Variants in UBE2K observed in about 807,000 individuals in gnomAD.
UBE2K encodes ubiquitin conjugating enzyme E2 K, also known as ubiquitin-conjugating enzyme E2 K.
UBE2K carries 6 observed loss-of-function variants against 30.0 expected under a neutral mutation model. The ratio of observed to expected loss-of-function variants is 0.20; its 90% CI spans 0.11 to 0.39. UBE2K has a LOEUF of 0.39. Among genes scored for constraint, UBE2K ranks in the 10% least tolerant of loss-of-function variants. UBE2K has a pLI of 1.00. For synonymous variants in UBE2K, 86 were observed against 83.7 expected (o/e 1.03, Z -0.15); for missense variants, 61 against 241.6 (o/e 0.25, Z 4.96).
intron 4 of UBE2K, among the ~76,000 whole-genome samples, chr4:39,769,806 G>A (rs1162316569): frequency 2.0e-5 from 3 of 151,438 alleles, no homozygotes; most frequent in Non-Finnish European, 2.9e-5. Context: ...ATACACATGC[G>A]CCTCTAAGAG....
chr4:39,699,581 A>G (rs1717894244), intron 1 of UBE2K, among the ~76,000 whole-genome samples: 1 of 152,198 alleles, frequency 6.6e-6, no homozygotes, highest in African/African-American at 2.4e-5. Flanking sequence ...TGTCTTCCCC[A>G]CATGAATTAA....
chr4:39,714,774 C>T (rs561710140), intron 1 of UBE2K, among the ~76,000 whole-genome samples: 2 of 151,194 alleles, frequency 1.3e-5, no homozygotes, highest in South Asian at 4.2e-4. Context: ...TGGTCTCGAT[C>T]TCCTGACCTC....
In UBE2K at chr4:39,763,028, G is replaced by A. The variant is rs1389030720; in HGVS notation, c.299+7289G>A. On this transcript the variant is annotated intron_variant, in intron 4 of 6. Transcript: ENST00000261427. ...TGGCTCACTGCAACCTCCACCTCCC[G>A]GGTTTAAGCACTTCTCGTGCCCTCA... Among the ~76,000 whole-genome samples, 3 of 133,762 alleles carry A rather than the reference G, an allele frequency of 2.2e-5. No homozygotes were observed. The East Asian group carries it at 7.0e-4, about 31-fold the overall frequency. The allele number at this position is 133,762 out of a possible 152,430, so 87.8% of individuals were successfully genotyped here. A position where few individuals can be genotyped will look rare whatever the true frequency, so the allele number is the denominator to read the frequency against.
intron 6 of UBE2K, 82 bp from the exon 7 acceptor site, chr4:39,778,278 C>A: frequency 1.2e-6 from 1 of 810,014 alleles, no homozygotes; most frequent in Non-Finnish European, 1.9e-6. Context: ...GGTGTTAATT[C>A]CCAGTATAAA....
rs1285220115 is a variant in UBE2K at position 39,745,942 on chromosome 4, G to T, written c.216+132G>T. On this transcript the variant is annotated intron_variant, in intron 3 of 6. Transcript: ENST00000261427. ...TTGCTTACTGTGTAAACTTGATGTG[G>T]ACAGGATTTTAGATAATGGCAGGTG... 17 of 648,230 alleles carry T rather than the reference G, an allele frequency of 2.6e-5. No individual in the cohort carries two copies. The East Asian group carries it at 5.6e-4, about 21-fold the overall frequency. The allele number at this position is 648,230 out of a possible 1,614,324, so 40.2% of individuals were successfully genotyped here.
intron 1 of UBE2K, 130 bp downstream of exon 1, chr4:39,698,520 C>A: frequency 1.3e-6 from 1 of 799,886 alleles, no homozygotes; most frequent in Non-Finnish European, 2.1e-6. Context: ...TGTGAGGAAG[C>A]AGCAGTGTTC....
In UBE2K at chr4:39,707,663, AG is replaced by A. The variant is rs202158341; in HGVS notation, c.63+9275del. 7.5e-3 allele frequency among the ~76,000 whole-genome samples: 1,136 copies of A among 151,454 alleles called. 16 individuals are homozygous for A. The highest frequency in any genetic ancestry group is 0.026 in the African/African-American group (1,076 of 41,338). ...CAGCCTCCCGAGTAGCTGGGACTAC[AG>A]GTGTGTGCCACCACACCTGGCTAAT... On this transcript the variant is annotated intron_variant, in intron 1 of 6. Transcript: ENST00000261427.
At chr4:39,704,991 C>T (rs1718258388) in intron 1 of UBE2K, among the ~76,000 whole-genome samples, 1 of 151,702 alleles carries the variant, frequency 6.6e-6, no homozygotes, top group South Asian at 2.1e-4. Context: ...CTGTCTCAGC[C>T]TCCTGAGTAG....
At chr4:39,765,037 C>T (rs1488651344) in intron 4 of UBE2K, among the ~76,000 whole-genome samples, 1 of 152,060 alleles carries the variant, frequency 6.6e-6, no homozygotes, top group African/African-American at 2.4e-5. Flanking sequence ...AGGCACCTGC[C>T]ACCACTCCAG....
intron 1 of UBE2K, among the ~76,000 whole-genome samples, chr4:39,709,600 T>C (rs1330358674): frequency 6.6e-6 from 1 of 152,102 alleles, no homozygotes; most frequent in East Asian, 1.9e-4. Context: ...GATATGTATG[T>C]ACGTATAGGG....
At chr4:39,713,634 T>C (rs1718842579) in intron 1 of UBE2K, among the ~76,000 whole-genome samples, 1 of 152,078 alleles carries the variant, frequency 6.6e-6, no homozygotes, top group Admixed American at 6.6e-5. Flanking sequence ...AAGGACATTG[T>C]GTAGCTATCA....
intron 6 of UBE2K, 34 bp from the exon 7 acceptor site, chr4:39,778,326 G>A: frequency 5.7e-6 from 8 of 1,394,092 alleles, no homozygotes; most frequent in Non-Finnish European, 8.1e-6. Context: ...GTTTCCTTGA[G>A]ATTTAATTTC....
At chr4:39,753,509 A>G (rs1392707900) in intron 3 of UBE2K, among the ~76,000 whole-genome samples, 2 of 152,186 alleles carry the variant, frequency 1.3e-5, no homozygotes, top group African/African-American at 4.8e-5. Flanking sequence ...GAGATGCTTT[A>G]TTAAGTAGGA....
At chr4:39,724,423 C>T (rs1719611740) in intron 1 of UBE2K, among the ~76,000 whole-genome samples, 1 of 151,470 alleles carries the variant, frequency 6.6e-6, no homozygotes, top group African/African-American at 2.4e-5. Flanking sequence ...ATTTTTTTGT[C>T]TTCTAGTACA....
At chr4:39,700,890 G>A (rs904285076) in intron 1 of UBE2K, among the ~76,000 whole-genome samples, 1 of 141,412 alleles carries the variant, frequency 7.1e-6, no homozygotes, top group African/African-American at 2.7e-5. Context: ...CAAGATAAAT[G>A]TGAAAAAGCA....
At chr4:39,704,970 A>G (rs1718255594) in intron 1 of UBE2K, among the ~76,000 whole-genome samples, 1 of 150,448 alleles carries the variant, frequency 6.6e-6, no homozygotes, top group South Asian at 2.1e-4. Context: ...TCCCGGGTTC[A>G]AGCAATTCTC....
Position 39,750,904 on chromosome 4 carries a change from C to G in UBE2K, c.217-4753C>G, listed in dbSNP as rs570917074. Among the ~76,000 whole-genome samples the G allele has an allele frequency of 2.0e-5, 3 of 151,812 alleles. No homozygotes were observed. The South Asian group carries it at 6.3e-4, about 32-fold the overall frequency. Reference sequence around the variant, plus strand: ...GGACTACAGGCATACCCCACCATGCCTGACTAATTTTTTTGTATTTTGTAG... The same window carrying G: ...GGACTACAGGCATACCCCACCATGCGTGACTAATTTTTTTGTATTTTGTAG... On this transcript the variant is annotated intron_variant, in intron 3 of 6. Coordinates refer to ENST00000261427, the MANE Select transcript of UBE2K (RefSeq NM_005339.5).
chr4:39,735,558 T>C (rs1474660968), intron 1 of UBE2K, among the ~76,000 whole-genome samples: 1 of 152,174 alleles, frequency 6.6e-6, no homozygotes, highest in East Asian at 1.9e-4. Context: ...TTTTTTTGTA[T>C]TTTTAGTAGA....
chr4:39,743,260 C>T (rs1411340162), intron 2 of UBE2K, among the ~76,000 whole-genome samples: 1 of 152,060 alleles, frequency 6.6e-6, no homozygotes, highest in Non-Finnish European at 1.5e-5. Flanking sequence ...ATGTTCCTAG[C>T]ACACAGTTTT....
Sources: allele counts gnomAD v4.1 joint callset (sites outside exome capture counted in the v4.1 genomes callset), GRCh38; gene constraint gnomAD v4.1.1; transcripts MANE v1.5; gene names NCBI Gene and HGNC (gene_info 2026-07-23, HGNC 2026-07-21).